The following SHROOM3 variants were observed in gnomAD, a reference collection of about 807,000 sequenced individuals.
The protein encoded by SHROOM3 is protein Shroom3.
In SHROOM3, 47 loss-of-function variants were observed where a neutral mutation model predicts 138.6. The ratio of observed to expected loss-of-function variants is 0.34; its 90% confidence interval spans 0.27 to 0.43. The LOEUF is 0.43. Ranked by LOEUF, SHROOM3 falls within the 20% of genes least tolerant of loss-of-function variation. The pLI, the probability that SHROOM3 is intolerant of heterozygous loss-of-function variation, is 1.00. For missense variants in SHROOM3, 2,491 were observed against 2,596.5 expected (o/e 0.96, Z 0.88); for synonymous variants, 1,062 against 1,063.3 (o/e 1.00, Z 0.02).
intron 2 of SHROOM3, among the ~76,000 whole-genome samples, chr4:76,633,516 T>C (rs1023174039): frequency 1.6e-4 from 24 of 149,054 alleles, no homozygotes; most frequent in Admixed American, 4.0e-4. Context: ...ATTAGCCGGG[T>C]GTGGTGGCGG....
At chr4:76,486,806 G>A (rs2109991002) in intron 1 of SHROOM3, among the ~76,000 whole-genome samples, 1 of 152,180 alleles carries the variant, frequency 6.6e-6, no homozygotes, top group Middle Eastern at 3.4e-3. Context: ...CCTTGTGAAG[G>A]ACAAAGGTCT....
chr4:76,471,606 T>A (rs2109982279), intron 1 of SHROOM3, among the ~76,000 whole-genome samples: 1 of 152,314 alleles, frequency 6.6e-6, no homozygotes, highest in African/African-American at 2.4e-5. Context: ...CAGGGACATT[T>A]GGAATGTTAC....
intron 1 of SHROOM3, among the ~76,000 whole-genome samples, chr4:76,481,843 G>A (rs1422537815): frequency 6.6e-6 from 1 of 152,122 alleles, no homozygotes; most frequent in Non-Finnish European, 1.5e-5. Flanking sequence ...TGCAAGGCTG[G>A]TTCAACATGC....
At position 76,612,068 on chromosome 4, in the gene SHROOM3, T is replaced by C. The variant is rs565454160; in HGVS notation, c.323+56305T>C. On this transcript the variant is annotated intron_variant, in intron 2 of 10. Transcript: ENST00000296043. Reference sequence around the variant, plus strand: ...TTGCCTCTGCCTCCTCTCATTGTTGTAAAACCCAAGTGTTTCTATTCCTCT... The same window carrying C: ...TTGCCTCTGCCTCCTCTCATTGTTGCAAAACCCAAGTGTTTCTATTCCTCT... Among the ~76,000 whole-genome samples the C allele has an allele frequency of 5.9e-5, 9 of 152,350 alleles. No individual in the cohort carries two copies. In the South Asian group the frequency reaches 1.7e-3, roughly 28 times the overall value.
chr4:76,464,513 G>A (rs1373358404), intron 1 of SHROOM3, among the ~76,000 whole-genome samples: 2 of 152,010 alleles, frequency 1.3e-5, no homozygotes, highest in Non-Finnish European at 2.9e-5. Flanking sequence ...GTTAAAACTC[G>A]GGGGGACTGT....
At chr4:76,772,214 A>T (rs1722386139) in intron 10 of SHROOM3, among the ~76,000 whole-genome samples, 1 of 147,598 alleles carries the variant, frequency 6.8e-6, no homozygotes, top group Non-Finnish European at 1.5e-5. Flanking sequence ...TGCCATTCTC[A>T]TGCCTCGGCC....
intron 6 of SHROOM3, among the ~76,000 whole-genome samples, chr4:76,750,921 C>T (rs1445877074): frequency 6.6e-6 from 1 of 152,054 alleles, no homozygotes; most frequent in Non-Finnish European, 1.5e-5. Flanking sequence ...CAGCAATTGA[C>T]ATTAGCATAG....
chr4:76,740,819 C>T lies in SHROOM3; in HGVS notation c.2646C>T (p.Asp882=), dbSNP rs765964922. 58 of 1,602,950 alleles carry T rather than the reference C, an allele frequency of 3.6e-5. No homozygotes were observed. Among genetic ancestry groups the T allele is most frequent in the Non-Finnish European group, 4.9e-5 (58 of 1,175,078 alleles). ...GCGGCCGTGGCCCCCAGAGGCCGGA[C>T]GCTCGGCTCCTCCGTAGCCAGAGCA... ...SDSGRGPQRP[D]ARLLRSQSTF... Residue 882 remains aspartate, a synonymous_variant, in exon 5 of 11, where the codon GAC becomes GAT. Transcript: ENST00000296043. This position sits in a 1 kb window ranked among gnomAD's most constrained non-coding sequence, Gnocchi z 4.0.
At chr4:76,463,541 A>G (rs1731185366) in intron 1 of SHROOM3, among the ~76,000 whole-genome samples, 2 of 152,244 alleles carry the variant, frequency 1.3e-5, no homozygotes, top group Admixed American at 1.3e-4. Flanking sequence ...AATTTGCATA[A>G]GTAAGGAGGA....
At chr4:76,573,417 T>C (rs1356290348) in intron 2 of SHROOM3, among the ~76,000 whole-genome samples, 1 of 148,722 alleles carries the variant, frequency 6.7e-6, no homozygotes, top group African/African-American at 2.5e-5. Flanking sequence ...ATAATAATAA[T>C]AATAATAATA....
chr4:76,731,066 T>C lies in SHROOM3; in HGVS notation c.587+131T>C, dbSNP rs344135. The C allele has an allele frequency of 0.38, 463,856 of 1,233,154 alleles. 95,748 individuals are homozygous for C. Among genetic ancestry groups the C allele is most frequent in the Non-Finnish European group, 0.42 (363,381 of 859,138 alleles). The allele number at this position is 1,233,154 out of a possible 1,614,324, so 76.4% of individuals were successfully genotyped here. ...CACTAAATATTAAATCTCTATCCACTGCTTTTCTCATCCTCTTATAGTGCT... is the reference window on the plus strand; with the variant it reads ...CACTAAATATTAAATCTCTATCCACCGCTTTTCTCATCCTCTTATAGTGCT... On this transcript the variant is annotated intron_variant, in intron 4 of 10. Transcript: ENST00000296043.
Position 76,759,824 on chromosome 4 carries a change from CA to C in SHROOM3, c.5349+133del, listed in dbSNP as rs1463094932. 9 of 1,076,948 alleles carry C rather than the reference CA, an allele frequency of 8.4e-6. No homozygotes were observed. In the East Asian group the frequency reaches 2.1e-4, roughly 25 times the overall value. 66.7% of individuals were successfully genotyped at this position (1,076,948 alleles called of 1,614,324 possible). A position where few individuals can be genotyped will look rare whatever the true frequency, so the allele number is the denominator to read the frequency against. On this transcript the variant is annotated intron_variant, in intron 9 of 10. Transcript: ENST00000296043. ...GACCTGTCACATCACCAGATTGCAC[CA>C]AAATCATTAGACTTTGGATTTACAT... is the stretch of plus-strand genomic sequence containing the variant.
At chr4:76,521,282 A>ATG (rs33995316) in intron 1 of SHROOM3, among the ~76,000 whole-genome samples, 104,899 of 151,522 alleles carry the variant, frequency 0.69, 36,716 homozygotes, top group East Asian at 0.92. Flanking sequence ...GTGTATGTAT[A>ATG]TGTGTGTGTG....
intron 2 of SHROOM3, among the ~76,000 whole-genome samples, chr4:76,634,755 A>G (rs1735441330): frequency 6.6e-6 from 1 of 152,188 alleles, no homozygotes; most frequent in Non-Finnish European, 1.5e-5. Context: ...TTATTTTTAA[A>G]CTTTTAAAAA....
At chr4:76,765,545 C>G (rs892494540) in intron 9 of SHROOM3, among the ~76,000 whole-genome samples, 2 of 152,058 alleles carry the variant, frequency 1.3e-5, no homozygotes, top group Admixed American at 6.6e-5. Flanking sequence ...GAATTCCACT[C>G]TATTCCTAAA....
chr4:76,488,096 G>C (rs1731770266), intron 1 of SHROOM3, among the ~76,000 whole-genome samples: 1 of 152,112 alleles, frequency 6.6e-6, no homozygotes, highest in Non-Finnish European at 1.5e-5. Context: ...TTCTAGTATT[G>C]TGCTATTGGA....
intron 2 of SHROOM3, among the ~76,000 whole-genome samples, chr4:76,570,445 C>T (rs78986576): frequency 0.013 from 1,936 of 152,202 alleles, 17 homozygotes; most frequent in Middle Eastern, 0.024. Flanking sequence ...CCCACAAAAT[C>T]CAGCCGTGTT....
chr4:76,520,395 G>C (rs560304241), intron 1 of SHROOM3, among the ~76,000 whole-genome samples: 1 of 152,156 alleles, frequency 6.6e-6, no homozygotes, highest in Admixed American at 6.5e-5. Flanking sequence ...ATAATTGGGT[G>C]CATGTTATGT....
chr4:76,676,944 C>CAAAAAAAAA (rs58270392), intron 2 of SHROOM3, among the ~76,000 whole-genome samples: 4 of 79,074 alleles, frequency 5.1e-5, no homozygotes, highest in African/African-American at 2.3e-4. Flanking sequence ...CTCCGTCTCA[C>CAAAAAAAAA]AAAAAAAAAA....
Sources: gnomAD v4.1 joint callset for allele counts (sites outside exome capture counted in the v4.1 genomes callset) on GRCh38, gnomAD v4.1.1 for gene constraint, Gnocchi (gnomAD v3.1) non-coding constraint, MANE v1.5 for transcripts, NCBI Gene and HGNC (gene_info 2026-07-23, HGNC 2026-07-21) for gene names.